GNG7: variants seen among roughly 807,000 people sequenced by gnomAD.
GNG7 encodes the protein G protein subunit gamma 7, also known as guanine nucleotide-binding protein G(I)/G(S)/G(O) subunit gamma-7.
GNG7 carries 1 observed loss-of-function variant against 4.0 expected under a neutral mutation model. That is an observed-to-expected ratio of 0.25 (90% confidence interval 0.09 to 1.18). The LOEUF (loss-of-function observed/expected upper bound fraction) is 1.18. Among genes scored for constraint, GNG7 ranks in the 50% most tolerant of loss-of-function variants. The probability of loss-of-function intolerance (pLI) is 0.50; values close to 1 mark genes in which losing one functional copy is unlikely to be tolerated. For synonymous variants in GNG7, 34 were observed against 36.9 expected (o/e 0.92, Z 0.29); for missense variants, 86 against 91.9 (o/e 0.94, Z 0.26).
intron 2 of GNG7, chr19:2,643,667 T>C (rs1982582380): frequency 6.6e-6 from 3 of 456,210 alleles, no homozygotes; most frequent in Non-Finnish European, 1.3e-5. Context: ...CTGCGCCTCC[T>C]TTTTCGGGCT....
rs185987832 is a variant in GNG7, at chr19:2,545,306, C to T, written c.-38+9843G>A. On this transcript the variant is annotated intron_variant, in intron 3 of 4. Coordinates refer to ENST00000382159, the MANE Select transcript of GNG7 (RefSeq NM_052847.3). ...GGCCCACCTCAGAGAACAATCTGGC[C>T]GCCATGTCTACAGTGCCTAGGGGAC... Among the ~76,000 whole-genome samples, 8 of 152,218 alleles carry T rather than the reference C, an allele frequency of 5.3e-5. No homozygotes were observed. The East Asian group carries it at 9.7e-4, about 18-fold the overall frequency.
At chr19:2,537,689 G>A (rs955248691) in intron 3 of GNG7, among the ~76,000 whole-genome samples, 6 of 151,690 alleles carry the variant, frequency 4.0e-5, no homozygotes, top group Non-Finnish European at 8.8e-5. Context: ...TTGTGGTGAA[G>A]CTGGAGGCGG....
intron 2 of GNG7, among the ~76,000 whole-genome samples, chr19:2,568,586 TAC>T (rs61728281): frequency 0.31 from 47,062 of 150,256 alleles, 8,406 homozygotes; most frequent in Non-Finnish European, 0.41. Context: ...CATGCACAAA[TAC>T]ACACATATAT....
chr19:2,625,801 T>C (rs1485168566), intron 2 of GNG7, among the ~76,000 whole-genome samples: 1 of 151,994 alleles, frequency 6.6e-6, no homozygotes, highest in African/African-American at 2.4e-5. Flanking sequence ...GTTTTTGTTT[T>C]TGTTTTGTTT....
intron 2 of GNG7, among the ~76,000 whole-genome samples, chr19:2,639,363 G>A (rs1039142835): frequency 2.0e-5 from 3 of 151,902 alleles, no homozygotes; most frequent in South Asian, 2.1e-4. Context: ...CTGAGACGCC[G>A]GAACAGAAAG....
At chr19:2,535,413 T>C (rs986571582) in intron 3 of GNG7, among the ~76,000 whole-genome samples, 64 of 150,428 alleles carry the variant, frequency 4.3e-4, no homozygotes, top group African/African-American at 1.5e-3. Context: ...GGTGGGAGAA[T>C]CGCTTGAGCC....
rs570813611 is a variant in GNG7, at chr19:2,635,409, G to A, written c.-78+10815C>T. On this transcript the variant is annotated intron_variant, in intron 2 of 4. Coordinates refer to ENST00000382159, the MANE Select transcript of GNG7 (RefSeq NM_052847.3). ...GTCCCCTGCTCACATCAGACACCAC[G>A]ACAAACTCCCAATGGAGCAGACGGT... 1.2e-4 allele frequency among the ~76,000 whole-genome samples: 18 copies of A among 152,262 alleles called. No individual in the cohort carries two copies. The East Asian group carries it at 1.5e-3, about 13-fold the overall frequency.
Position 2,597,224 on chromosome 19 carries a change from T to A in GNG7, c.-77-42036A>T, listed in dbSNP as rs75152342. 6.5e-3 allele frequency among the ~76,000 whole-genome samples: 991 copies of A among 152,190 alleles called. 15 individuals carry two copies. The highest frequency in any genetic ancestry group is 0.023 in the African/African-American group (944 of 41,530). On this transcript the variant is annotated intron_variant, in intron 2 of 4. Transcript: ENST00000382159. The stretch of plus-strand genomic sequence containing the variant: ...CTGCTGCAGGGAGCTGAGATGGCGT[T>A]ACTGCACTCCAGCTTGAGTGACAGA...
At chr19:2,612,686 A>ATTT (rs61243256) in intron 2 of GNG7, among the ~76,000 whole-genome samples, 3 of 135,914 alleles carry the variant, frequency 2.2e-5, no homozygotes, top group African/African-American at 8.6e-5. Context: ...ACAGCTTAGA[A>ATTT]TTTTTTTTTT....
Position 2,520,789 on chromosome 19 carries a change from C to T in GNG7, c.-37-64G>A, listed in dbSNP as rs1213176935. 7 of 741,934 alleles carry T rather than the reference C, an allele frequency of 9.4e-6. No individual in the cohort carries two copies. In the East Asian group the frequency reaches 1.1e-4, roughly 12 times the overall value. The allele number at this position is 741,934 out of a possible 1,614,324, so 46.0% of individuals were successfully genotyped here. A position where few individuals can be genotyped will look rare whatever the true frequency, so the allele number is the denominator to read the frequency against. ...TCAGGCCTCTGGGTGGCAGCAGGGGCGCCCGGCCTTGGCTCAACCTTCCCG... is the reference window on the plus strand; with the variant it reads ...TCAGGCCTCTGGGTGGCAGCAGGGGTGCCCGGCCTTGGCTCAACCTTCCCG... On this transcript the variant is annotated intron_variant, in intron 3 of 4. Transcript: ENST00000382159.
intron 4 of GNG7, among the ~76,000 whole-genome samples, chr19:2,517,849 A>T (rs1978291221): frequency 6.6e-6 from 1 of 151,768 alleles, no homozygotes; most frequent in Non-Finnish European, 1.5e-5. Context: ...CCTCCTTTGG[A>T]CCCCAAGGAT....
intron 2 of GNG7, among the ~76,000 whole-genome samples, chr19:2,561,732 T>A (rs1281703530): frequency 9.9e-6 from 1 of 101,372 alleles, no homozygotes; most frequent in East Asian, 2.5e-4. Context: ...AAAAAAAAAA[T>A]TAGCTGGGCA....
intron 3 of GNG7, among the ~76,000 whole-genome samples, chr19:2,531,116 G>A (rs1003795150): frequency 1.3e-5 from 2 of 151,994 alleles, no homozygotes; most frequent in African/African-American, 4.8e-5. Context: ...GACTAGCCTG[G>A]TCAACATGGT....
At chr19:2,552,848 TCCA>T (rs748778717) in intron 3 of GNG7, among the ~76,000 whole-genome samples, 4,116 of 84,536 alleles carry the variant, frequency 0.049, 147 homozygotes, top group Admixed American at 0.083. Context: ...TCCTCCCGGC[TCCA>T]CCCCCCCCAC....
At chr19:2,567,916 G>A (rs1323776090) in intron 2 of GNG7, among the ~76,000 whole-genome samples, 2 of 152,156 alleles carry the variant, frequency 1.3e-5, no homozygotes, top group Admixed American at 1.3e-4. Flanking sequence ...GGGAGAGAAG[G>A]GCGTTGCCAT....
At chr19:2,701,569 A>C (rs1913401193) in intron 1 of GNG7, among the ~76,000 whole-genome samples, 1 of 144,760 alleles carries the variant, frequency 6.9e-6, no homozygotes, top group Non-Finnish European at 1.5e-5. Context: ...CTTTTCAGCT[A>C]ACCCTAACCC....
At chr19:2,555,914 G>T (rs964079866) in intron 2 of GNG7, among the ~76,000 whole-genome samples, 21 of 151,968 alleles carry the variant, frequency 1.4e-4, no homozygotes, top group Admixed American at 6.5e-5. Flanking sequence ...CGCGAGGGGG[G>T]GCCCACGGCC....
At chr19:2,599,699 G>A (rs1981140880) in intron 2 of GNG7, among the ~76,000 whole-genome samples, 1 of 152,240 alleles carries the variant, frequency 6.6e-6, no homozygotes, top group Non-Finnish European at 1.5e-5. Flanking sequence ...CACTTTGGGA[G>A]ACCGAGGCAG....
chr19:2,578,091 GC>G (rs1263007454), intron 2 of GNG7, among the ~76,000 whole-genome samples: 2 of 152,038 alleles, frequency 1.3e-5, no homozygotes, highest in Non-Finnish European at 2.9e-5. Context: ...TCCCACCTTG[GC>G]CTCCCAAAGT....
Sources: allele counts gnomAD v4.1 joint callset (sites outside exome capture counted in the v4.1 genomes callset), GRCh38; gene constraint gnomAD v4.1.1; transcripts MANE v1.5; gene names NCBI Gene and HGNC (gene_info 2026-07-23, HGNC 2026-07-21).